The following SWT1 variants were observed in gnomAD, a reference collection of about 807,000 sequenced individuals.
SWT1 encodes SWT1 RNA endoribonuclease homolog.
A neutral mutation model predicts 107.3 loss-of-function variants in SWT1; 33 were observed. That is an observed-to-expected ratio of 0.31 (90% CI 0.23 to 0.41). SWT1 has a LOEUF of 0.41. SWT1 is among the 10% of genes least tolerant of loss of function. The pLI is 1.00. For synonymous variants in SWT1, 345 were observed against 348.3 expected, an observed-to-expected ratio of 0.99 and a Z score of 0.11; for missense variants, 898 against 1,028.9, an observed-to-expected ratio of 0.87 and a Z score of 1.74.
At chr1:185,206,884 C>T (rs555634798) in intron 13 of SWT1, 121 bp downstream of exon 13, 1 of 651,676 alleles carries the variant, frequency 1.5e-6, no homozygotes, top group East Asian at 3.1e-5. Flanking sequence ...ATCATTTATA[C>T]TTCTAATTTA....
chr1:185,207,312 G>A (rs1276130535), intron 13 of SWT1, among the ~76,000 whole-genome samples: 3 of 152,306 alleles, frequency 2.0e-5, no homozygotes, highest in South Asian at 2.1e-4. Context: ...ATATTGAACA[G>A]AACTTTTGGC....
intron 16 of SWT1, among the ~76,000 whole-genome samples, 197 bp downstream of exon 16, chr1:185,231,905 A>T (rs1055753187): frequency 3.3e-5 from 5 of 152,160 alleles, no homozygotes; most frequent in African/African-American, 1.2e-4. Context: ...ATGTACCAAG[A>T]TTGTTTGACC....
chr1:185,211,992 T>A (rs1348720323), intron 13 of SWT1, among the ~76,000 whole-genome samples: 1 of 150,280 alleles, frequency 6.7e-6, no homozygotes, highest in Non-Finnish European at 1.5e-5. Context: ...CACTCATAGG[T>A]GGGAATTGAA....
At chr1:185,267,163 A>G (rs769839369) in intron 16 of SWT1, among the ~76,000 whole-genome samples, 2 of 152,202 alleles carry the variant, frequency 1.3e-5, no homozygotes, top group Non-Finnish European at 1.5e-5. Context: ...TCTACATCTG[A>G]AAAGTGGTTA....
intron 14 of SWT1, among the ~76,000 whole-genome samples, chr1:185,220,138 CAAAAAAAAAAAAAA>C (rs34674504): frequency 2.2e-5 from 1 of 45,636 alleles, no homozygotes; most frequent in Non-Finnish European, 3.7e-5. Context: ...GACCCTGTCT[CAAAAAAAAAAAAAA>C]AAAAAAAAAA....
intron 16 of SWT1, among the ~76,000 whole-genome samples, chr1:185,258,688 C>T (rs946003863): frequency 6.6e-6 from 1 of 151,980 alleles, no homozygotes; most frequent in African/African-American, 2.4e-5. Flanking sequence ...CAACATGTTG[C>T]TTTTTTTGCT....
chr1:185,163,153 T>C (rs554475283), intron 2 of SWT1, among the ~76,000 whole-genome samples: 2 of 152,274 alleles, frequency 1.3e-5, no homozygotes, highest in East Asian at 3.9e-4. Context: ...CAATGAAGTT[T>C]GCCACATTGA....
chr1:185,287,725 C>G (rs551189546), intron 18 of SWT1, among the ~76,000 whole-genome samples: 5 of 152,188 alleles, frequency 3.3e-5, no homozygotes, highest in Non-Finnish European at 5.9e-5. Context: ...GGTAAAGGAA[C>G]TTAAGAATGC....
At chr1:185,206,268 A>T (rs1431790026) in intron 12 of SWT1, among the ~76,000 whole-genome samples, 1 of 151,952 alleles carries the variant, frequency 6.6e-6, no homozygotes, top group African/African-American at 2.4e-5. Context: ...TTCTATACTG[A>T]TTTTCACCCA....
At chr1:185,288,764 G>C (rs1665088812) in intron 18 of SWT1, among the ~76,000 whole-genome samples, 1 of 152,232 alleles carries the variant, frequency 6.6e-6, no homozygotes, top group East Asian at 1.9e-4. Flanking sequence ...GATTAAAAGA[G>C]TTATTTACGG....
In SWT1 at chr1:185,290,893, A is replaced by G. The variant is rs1409992739; in HGVS notation, c.*90A>G. On this transcript the variant is annotated 3_prime_UTR_variant, in exon 19 of 19. Coordinates refer to ENST00000367500, the MANE Select transcript of SWT1 (RefSeq NM_017673.7). ...TGGTCACTCTTTTGGGCCAAACCCA[A>G]GAGAATTTTAAGAAATGTTTCATAG... 3.6e-6 allele frequency: 4 copies of G among 1,096,754 alleles called. No homozygotes were observed. Among genetic ancestry groups the G allele is most frequent in the Admixed American group, 5.0e-5 (2 of 40,152 alleles). The allele number at this position is 1,096,754 out of a possible 1,614,324, so 67.9% of individuals were successfully genotyped here. A position where few individuals can be genotyped will look rare whatever the true frequency, so the allele number is the denominator to read the frequency against.
chr1:185,279,622 A>G (rs969059519), intron 18 of SWT1, among the ~76,000 whole-genome samples: 2 of 151,802 alleles, frequency 1.3e-5, no homozygotes, highest in Non-Finnish European at 2.9e-5. Flanking sequence ...ATTATTTGCC[A>G]ATATTTAGAG....
At chr1:185,166,748 C>T (rs1654607565) in intron 3 of SWT1, 96 bp downstream of exon 3, 1 of 737,066 alleles carries the variant, frequency 1.4e-6, no homozygotes, top group East Asian at 2.6e-5. Flanking sequence ...TTTTGATAGC[C>T]AATAGAAAGT....
At chr1:185,264,574 C>A in intron 16 of SWT1, 1 of 436,318 alleles carries the variant, frequency 2.3e-6, no homozygotes, top group Non-Finnish European at 3.0e-6. Context: ...TCTTAATATG[C>A]CTGTGACATA....
At chr1:185,211,551 AAAC>A (rs1658808933) in intron 13 of SWT1, among the ~76,000 whole-genome samples, 2 of 152,230 alleles carry the variant, frequency 1.3e-5, no homozygotes, top group Admixed American at 6.5e-5. Context: ...GCGGTTTTAT[AAAC>A]AACAGGTGCT....
intron 7 of SWT1, among the ~76,000 whole-genome samples, chr1:185,183,508 C>A (rs919177345): frequency 3.3e-5 from 5 of 152,156 alleles, no homozygotes; most frequent in South Asian, 4.1e-4. Flanking sequence ...ATCTCGAACT[C>A]CTGACCTCAG....
At chr1:185,255,928 G>A (rs186504253) in intron 16 of SWT1, among the ~76,000 whole-genome samples, 15 of 150,072 alleles carry the variant, frequency 1.0e-4, no homozygotes, top group Non-Finnish European at 1.8e-4. Flanking sequence ...CCGGTTGTTC[G>A]TTTCCATGTT....
intron 16 of SWT1, among the ~76,000 whole-genome samples, chr1:185,253,098 T>C (rs1285583262): frequency 7.2e-6 from 1 of 138,052 alleles, no homozygotes; most frequent in Non-Finnish European, 1.6e-5. Flanking sequence ...GTTGTAGATA[T>C]GCGGCGTTAT....
intron 17 of SWT1, among the ~76,000 whole-genome samples, chr1:185,272,414 G>C (rs1329181894): frequency 1.3e-5 from 2 of 152,080 alleles, no homozygotes; most frequent in Non-Finnish European, 2.9e-5. Flanking sequence ...CATATATTCA[G>C]GTCTCAAATT....
Sources: gnomAD v4.1 joint callset for allele counts (sites outside exome capture counted in the v4.1 genomes callset) on GRCh38, gnomAD v4.1.1 for gene constraint, MANE v1.5 for transcripts, NCBI Gene and HGNC (gene_info 2026-07-23, HGNC 2026-07-21) for gene names.